RIMS1: variants seen among roughly 807,000 people sequenced by gnomAD.
RIMS1 encodes regulating synaptic membrane exocytosis 1.
RIMS1 carries 83 observed loss-of-function variants against 214.1 expected under a neutral mutation model. The observed-to-expected ratio is 0.39, with a 90% confidence interval of 0.32 to 0.47. The LOEUF (loss-of-function observed/expected upper bound fraction) is 0.47. Among genes scored for constraint, RIMS1 ranks in the 20% least tolerant of loss-of-function variants. RIMS1 has a pLI of 0.99. For missense variants in RIMS1, 2,050 were observed against 2,161.8 expected, an observed-to-expected ratio of 0.95 and a Z score of 1.03; for synonymous variants, 793 against 786.8, an observed-to-expected ratio of 1.01 and a Z score of -0.13.
rs111621338 is a variant in RIMS1, at chr6:71,943,370, T to A, written c.165-25613T>A. 3.9e-5 allele frequency among the ~76,000 whole-genome samples: 6 copies of A among 152,314 alleles called. 1 individual carries two copies. The highest frequency in any genetic ancestry group is 1.4e-4 in the African/African-American group (6 of 41,580). On this transcript the variant is annotated intron_variant, in intron 1 of 33. Coordinates refer to ENST00000521978, the MANE Select transcript of RIMS1 (RefSeq NM_014989.7). Reference sequence around the variant, plus strand: ...TGTCTAGGAGGGATGACTTTATATATAATTTCCCACTGGATTATCCCAAAC... The same window carrying A: ...TGTCTAGGAGGGATGACTTTATATAAAATTTCCCACTGGATTATCCCAAAC...
rs886061706 is a variant in RIMS1, at chr6:72,182,853, C to A, written c.1382C>A (p.Ala461Asp). The A allele has an allele frequency of 9.0e-6, 14 of 1,556,130 alleles. No individual in the cohort carries two copies. The highest frequency in any genetic ancestry group is 5.9e-5 in the South Asian group (5 of 84,500). ...APRHGPVPAE[A>D]PELKAQEPLR... Reference sequence around the variant, plus strand: ...AGACATGGGCCGGTTCCCGCAGAAGCCCCGGAGCTCAAAGCCCAGGAGCCC... The same window carrying A: ...AGACATGGGCCGGTTCCCGCAGAAGACCCGGAGCTCAAAGCCCAGGAGCCC... The change falls in exon 6 of 34, where the codon GCC becomes GAC. Residue 461 changes from alanine (A) to aspartate (D), a missense_variant. By Grantham distance (126) the Ala-to-Asp change is moderately radical (BLOSUM62 -2). Transcript: ENST00000521978.
At chr6:72,337,084 T>C (rs1227523939) in intron 29 of RIMS1, among the ~76,000 whole-genome samples, 1 of 151,774 alleles carries the variant, frequency 6.6e-6, no homozygotes, top group Non-Finnish European at 1.5e-5. Context: ...ACTTTCAATA[T>C]AGATAGAAAG....
At chr6:72,033,359 A>C (rs1479913123) in intron 2 of RIMS1, among the ~76,000 whole-genome samples, 2 of 152,096 alleles carry the variant, frequency 1.3e-5, no homozygotes, top group Non-Finnish European at 2.9e-5. Flanking sequence ...TGCTTGCCCT[A>C]CCCTGGGCAT....
At chr6:72,125,250 G>T (rs1562372131) in intron 4 of RIMS1, among the ~76,000 whole-genome samples, 2 of 152,136 alleles carry the variant, frequency 1.3e-5, no homozygotes, top group Non-Finnish European at 2.9e-5. Flanking sequence ...TCAGCTACAG[G>T]TCTCCTGGAG....
Position 72,157,887 on chromosome 6 carries a change from C to A in RIMS1, c.472-21688C>A, listed in dbSNP as rs182753238. Among the ~76,000 whole-genome samples the A allele has an allele frequency of 1.5e-3, 214 of 140,230 alleles. 10 individuals carry two copies. Among genetic ancestry groups the A allele is most frequent in the African/African-American group, 5.0e-3 (203 of 40,750 alleles). The allele number at this position is 140,230 out of a possible 152,430, so 92.0% of individuals were successfully genotyped here. On this transcript the variant is annotated intron_variant, in intron 4 of 33. Transcript: ENST00000521978. The stretch of plus-strand genomic sequence containing the variant: ...TCTTTTCATTTTCTTGCCAGCAATA[C>A]ACTCTATTGCTATTATTTTGTTATT...
chr6:72,225,649 G>T (rs959789996), intron 6 of RIMS1, among the ~76,000 whole-genome samples: 3 of 152,122 alleles, frequency 2.0e-5, no homozygotes, highest in Non-Finnish European at 4.4e-5. Flanking sequence ...TTTCCACAGG[G>T]TTTCCTGGCT....
chr6:72,137,350 TAATA>T (rs1436771209), intron 4 of RIMS1, among the ~76,000 whole-genome samples: 1 of 152,144 alleles, frequency 6.6e-6, no homozygotes, highest in Non-Finnish European at 1.5e-5. Flanking sequence ...ATAGCACCAA[TAATA>T]AATGTTAGTA....
intron 4 of RIMS1, among the ~76,000 whole-genome samples, chr6:72,139,096 A>G (rs144858971): frequency 4.7e-4 from 72 of 152,294 alleles, no homozygotes; most frequent in African/African-American, 1.6e-3. Flanking sequence ...ATAAAGATAC[A>G]TGCCTGTTTC....
chr6:71,945,622 A>C (rs1787555220), intron 1 of RIMS1, among the ~76,000 whole-genome samples: 1 of 152,168 alleles, frequency 6.6e-6, no homozygotes, highest in East Asian at 1.9e-4. Flanking sequence ...AAGGATGCCC[A>C]CTCACACCAC....
intron 2 of RIMS1, among the ~76,000 whole-genome samples, chr6:71,998,322 C>T (rs1804106868): frequency 6.6e-6 from 1 of 152,146 alleles, no homozygotes; most frequent in South Asian, 2.1e-4. Flanking sequence ...TTTCCTGTTT[C>T]CTTTGTTCAG....
intron 6 of RIMS1, among the ~76,000 whole-genome samples, chr6:72,191,210 A>T (rs923290947): frequency 6.6e-6 from 1 of 152,208 alleles, no homozygotes; most frequent in African/African-American, 2.4e-5. Flanking sequence ...CACCCAAATG[A>T]GGAATGTGTT....
At chr6:72,241,027 A>G (rs973427090) in intron 9 of RIMS1, among the ~76,000 whole-genome samples, 2 of 152,158 alleles carry the variant, frequency 1.3e-5, no homozygotes, top group Admixed American at 1.3e-4. Context: ...AAAAAAAAGA[A>G]TTGGTGATTA....
intron 2 of RIMS1, among the ~76,000 whole-genome samples, chr6:72,081,501 C>T (rs941744087): frequency 1.3e-5 from 2 of 152,116 alleles, no homozygotes; most frequent in African/African-American, 4.8e-5. Context: ...AAAATGACTG[C>T]TCCTAGCTTT....
At chr6:72,353,829 G>C (rs918673335) in intron 29 of RIMS1, among the ~76,000 whole-genome samples, 14 of 152,122 alleles carry the variant, frequency 9.2e-5, no homozygotes, top group African/African-American at 3.1e-4. Flanking sequence ...TTTAAAACAA[G>C]CCAATGGAAT....
At chr6:71,920,780 G>A (rs899628545) in intron 1 of RIMS1, among the ~76,000 whole-genome samples, 9 of 152,136 alleles carry the variant, frequency 5.9e-5, no homozygotes, top group Non-Finnish European at 1.2e-4. Flanking sequence ...CTGCAGTTCT[G>A]CTTTTGTATT....
intron 6 of RIMS1, among the ~76,000 whole-genome samples, chr6:72,208,710 G>A (rs2053327987): frequency 6.6e-6 from 1 of 152,104 alleles, no homozygotes; most frequent in Non-Finnish European, 1.5e-5. Flanking sequence ...CATGGTAGTA[G>A]GTGAATCAGG....
intron 1 of RIMS1, among the ~76,000 whole-genome samples, chr6:71,903,569 C>G (rs933310145): frequency 6.6e-6 from 1 of 152,072 alleles, no homozygotes; most frequent in Non-Finnish European, 1.5e-5. Context: ...AACAGACAGC[C>G]TACAGAATGG....
chr6:72,110,112 G>A (rs544645592), intron 4 of RIMS1, among the ~76,000 whole-genome samples: 1 of 152,282 alleles, frequency 6.6e-6, no homozygotes, highest in African/African-American at 2.4e-5. Context: ...TAGCCTTGTA[G>A]TATAGTTTGA....
chr6:72,382,352 A>G (rs746404130), intron 29 of RIMS1, among the ~76,000 whole-genome samples: 2 of 152,222 alleles, frequency 1.3e-5, no homozygotes, highest in Non-Finnish European at 2.9e-5. Context: ...AAATGATGGC[A>G]CTATTAGGGA....
Sources: allele counts gnomAD v4.1 joint callset (sites outside exome capture counted in the v4.1 genomes callset), GRCh38; gene constraint gnomAD v4.1.1; transcripts MANE v1.5; gene names NCBI Gene and HGNC (gene_info 2026-07-23, HGNC 2026-07-21).